SLC46A3: variants seen among roughly 807,000 people sequenced by gnomAD.
SLC46A3 encodes lysosomal proton-coupled steroid conjugate and bile acid symporter SLC46A3.
A neutral mutation model predicts 38.5 loss-of-function variants in SLC46A3; 26 were observed. The observed-to-expected ratio is 0.68, with a 90% CI of 0.49 to 0.94. The LOEUF (loss-of-function observed/expected upper bound fraction) is 0.94, where lower values mean the gene tolerates loss of function less well. SLC46A3 is among the 40% of genes least tolerant of loss of function. The pLI, the probability that SLC46A3 is intolerant of heterozygous loss-of-function variation, is 0.00. For synonymous variants in SLC46A3, 185 were observed against 192.5 expected (o/e 0.96, Z 0.32); for missense variants, 510 against 544.3 (o/e 0.94, Z 0.63).
intron 4 of SLC46A3, among the ~76,000 whole-genome samples, chr13:28,708,597 T>C (rs1203628563): frequency 6.6e-6 from 1 of 151,624 alleles, no homozygotes; most frequent in Non-Finnish European, 1.5e-5. Flanking sequence ...TCATTTCACT[T>C]TCTTTCTTTT....
Position 28,714,641 on chromosome 13 carries a change from T to C in SLC46A3, c.190-1091A>G, listed in dbSNP as rs112460325. 2.0e-3 allele frequency among the ~76,000 whole-genome samples: 312 copies of C among 152,246 alleles called. 1 individual carries two copies. Among genetic ancestry groups the C allele is most frequent in the Non-Finnish European group, 3.5e-3 (235 of 68,002 alleles). ...GCGTACGCCTGTAGTCTCCGCTACT[T>C]GGGAGGCTGAGGCAGAAGAATTGCT... On this transcript the variant is annotated intron_variant, in intron 2 of 5. Transcript: ENST00000266943.
intron 4 of SLC46A3, among the ~76,000 whole-genome samples, chr13:28,704,787 A>G (rs1400737737): frequency 1.3e-5 from 2 of 152,202 alleles, no homozygotes; most frequent in Non-Finnish European, 2.9e-5. Context: ...TCTTTAAAAC[A>G]TATGTTTCCA....
chr13:28,709,206 C>T (rs1885270312), intron 4 of SLC46A3, among the ~76,000 whole-genome samples: 1 of 151,516 alleles, frequency 6.6e-6, no homozygotes, highest in Non-Finnish European at 1.5e-5. Flanking sequence ...CCTGTAATTC[C>T]AGCTACTTGG....
chr13:28,701,319 C>T lies in SLC46A3; in HGVS notation c.*178G>A, dbSNP rs1293846205. ...TGATACGCACAAAGTGCTCAAAGTGCGTGGTACCACAAGAAGCTAAAGCCA... is the reference window on the plus strand; with the variant it reads ...TGATACGCACAAAGTGCTCAAAGTGTGTGGTACCACAAGAAGCTAAAGCCA... On this transcript the variant is annotated 3_prime_UTR_variant, in exon 6 of 6. Coordinates refer to ENST00000266943, the MANE Select transcript of SLC46A3 (RefSeq NM_181785.4). The T allele has an allele frequency of 4.9e-6, 7 of 1,423,992 alleles. No homozygotes were observed. Among genetic ancestry groups the T allele is most frequent in the East Asian group, 5.1e-5 (2 of 39,280 alleles). 88.2% of individuals were successfully genotyped at this position (1,423,992 alleles called of 1,614,324 possible). A position where few individuals can be genotyped will look rare whatever the true frequency, so the allele number is the denominator to read the frequency against.
intron 4 of SLC46A3, among the ~76,000 whole-genome samples, chr13:28,704,952 CAG>C (rs1455197062): frequency 1.3e-5 from 2 of 152,180 alleles, no homozygotes; most frequent in African/African-American, 4.8e-5. Flanking sequence ...AGCTCACAAT[CAG>C]AGAGAAACAG....
intron 4 of SLC46A3, among the ~76,000 whole-genome samples, chr13:28,710,260 C>A (rs1885304631): frequency 6.6e-6 from 1 of 152,200 alleles, no homozygotes; most frequent in African/African-American, 2.4e-5. Flanking sequence ...AACAGCCCCA[C>A]CCTGTGATTC....
At chr13:28,713,713 A>G (rs1176398606) in intron 2 of SLC46A3, among the ~76,000 whole-genome samples, 163 bp from the exon 3 acceptor site, 2 of 152,196 alleles carry the variant, frequency 1.3e-5, no homozygotes, top group African/African-American at 4.8e-5. Context: ...CATCCAGTTT[A>G]TAAAGCAATG....
At position 28,701,030 on chromosome 13, in the gene SLC46A3, A is replaced by G. The variant is rs1885001439; in HGVS notation, c.*467T>C. On this transcript the variant is annotated 3_prime_UTR_variant, in exon 6 of 6. Transcript: ENST00000266943. Reference sequence around the variant, plus strand: ...AACTTATATCATTATTTTCCTACCAATGAGTGATTCATCATAATTTTCATT... The same window carrying G: ...AACTTATATCATTATTTTCCTACCAGTGAGTGATTCATCATAATTTTCATT... 2 of 1,521,326 alleles carry G rather than the reference A, an allele frequency of 1.3e-6. No individual in the cohort carries two copies. The highest frequency in any genetic ancestry group is 1.3e-5 in the South Asian group (1 of 79,990). 94.2% of individuals were successfully genotyped at this position (1,521,326 alleles called of 1,614,324 possible).
chr13:28,718,872 G>A lies in SLC46A3; in HGVS notation c.-401C>T, dbSNP rs1276442455. Reference sequence around the variant, plus strand: ...GGCGCGGAGCAGCTGCTCCTTCTGCGCAGTGGACAATCGGCCAATCGGCGC... The same window carrying A: ...GGCGCGGAGCAGCTGCTCCTTCTGCACAGTGGACAATCGGCCAATCGGCGC... On this transcript the variant is annotated 5_prime_UTR_variant, in exon 1 of 6. Transcript: ENST00000266943. The A allele has an allele frequency of 6.6e-6, 1 of 152,352 alleles. No individual in the cohort carries two copies. The highest frequency in any genetic ancestry group is 1.5e-5 in the Non-Finnish European group (1 of 68,130). 9.4% of individuals were successfully genotyped at this position (152,352 alleles called of 1,614,324 possible).
intron 4 of SLC46A3, among the ~76,000 whole-genome samples, chr13:28,706,015 TAGTTGCCAG>T (rs1381038446): frequency 2.0e-5 from 3 of 152,194 alleles, no homozygotes; most frequent in Non-Finnish European, 4.4e-5. Context: ...ACTTGTTTAA[TAGTTGCCAG>T]AGATAAAACA....
chr13:28,716,535 C>A (rs1239878737), intron 2 of SLC46A3, among the ~76,000 whole-genome samples: 1 of 152,128 alleles, frequency 6.6e-6, no homozygotes, highest in Admixed American at 6.5e-5. Context: ...AAGCTTCTCA[C>A]TCCCGGGAAT....
At chr13:28,706,294 A>C (rs1772361) in intron 4 of SLC46A3, among the ~76,000 whole-genome samples, 148,632 of 152,282 alleles carry the variant, frequency 0.98, 72,647 homozygotes, top group East Asian at 1. Context: ...ATGAGAGCCA[A>C]CTGAAAACTT....
In SLC46A3 at chr13:28,715,063, C is replaced by T. The variant is rs138001358; in HGVS notation, c.190-1513G>A. Among the ~76,000 whole-genome samples, 24 of 152,256 alleles carry T rather than the reference C, an allele frequency of 1.6e-4. No homozygotes were observed. In the East Asian group the frequency reaches 2.7e-3, roughly 17 times the overall value. On this transcript the variant is annotated intron_variant, in intron 2 of 5. Coordinates refer to ENST00000266943, the MANE Select transcript of SLC46A3 (RefSeq NM_181785.4). ...TAGTCATTGAATGAATCACTGAAGG[C>T]GATGGTGGTGCCTCCTGGGAAACAA... is the stretch of plus-strand genomic sequence containing the variant.
At chr13:28,709,759 G>A (rs1397608819) in intron 4 of SLC46A3, among the ~76,000 whole-genome samples, 1 of 152,178 alleles carries the variant, frequency 6.6e-6, no homozygotes, top group Non-Finnish European at 1.5e-5. Context: ...GATGATGGGG[G>A]AGAAAGGTTA....
In SLC46A3 at chr13:28,701,238, A is replaced by C. The variant is rs531141684; in HGVS notation, c.*259T>G. On this transcript the variant is annotated 3_prime_UTR_variant, in exon 6 of 6. Coordinates refer to ENST00000266943, the MANE Select transcript of SLC46A3 (RefSeq NM_181785.4). ...CCTTAAGTTTTAATGTTTCTCTTCTAAGTCTAAAAGTGAGGCGTATTTGAA... is the reference window on the plus strand; with the variant it reads ...CCTTAAGTTTTAATGTTTCTCTTCTCAGTCTAAAAGTGAGGCGTATTTGAA... 2.2e-5 allele frequency: 31 copies of C among 1,389,938 alleles called. No individual in the cohort carries two copies. In the South Asian group the frequency reaches 5.2e-4, roughly 23 times the overall value. 86.1% of individuals were successfully genotyped at this position (1,389,938 alleles called of 1,614,324 possible). A position where few individuals can be genotyped will look rare whatever the true frequency, so the allele number is the denominator to read the frequency against.
chr13:28,715,286 G>T (rs78292682), intron 2 of SLC46A3, among the ~76,000 whole-genome samples: 2,563 of 152,284 alleles, frequency 0.017, 72 homozygotes, highest in African/African-American at 0.059. Context: ...TTGAAAATTC[G>T]GCAAAAATCT....
intron 4 of SLC46A3, among the ~76,000 whole-genome samples, chr13:28,707,408 G>A (rs1395464784): frequency 7.6e-6 from 1 of 132,244 alleles, no homozygotes; most frequent in Non-Finnish European, 1.7e-5. Flanking sequence ...CGTGGAGTGG[G>A]GGGAGGGAGG....
chr13:28,701,353 C>G lies in SLC46A3; in HGVS notation c.*144G>C. On this transcript the variant is annotated 3_prime_UTR_variant, in exon 6 of 6. Coordinates refer to ENST00000266943, the MANE Select transcript of SLC46A3 (RefSeq NM_181785.4). ...ACAAGAAGCTAAAGCCAGGAGCTGT[C>G]TCTCTGACTGTTCAGTTTAGAAGAA... 7 of 1,445,788 alleles carry G rather than the reference C, an allele frequency of 4.8e-6. No individual in the cohort carries two copies. The highest frequency in any genetic ancestry group is 5.4e-6 in the Non-Finnish European group (6 of 1,101,178). The allele number at this position is 1,445,788 out of a possible 1,614,324, so 89.6% of individuals were successfully genotyped here. A position where few individuals can be genotyped will look rare whatever the true frequency, so the allele number is the denominator to read the frequency against.
intron 4 of SLC46A3, chr13:28,704,326 T>A: frequency 4.2e-6 from 2 of 473,790 alleles, no homozygotes; most frequent in East Asian, 7.1e-5. Context: ...ATGTGAGAGA[T>A]GTTGGAAACT....
Sources: allele counts gnomAD v4.1 joint callset (sites outside exome capture counted in the v4.1 genomes callset), GRCh38; gene constraint gnomAD v4.1.1; transcripts MANE v1.5; gene names NCBI Gene and HGNC (gene_info 2026-07-23, HGNC 2026-07-21).